Variants in CAPN7 observed in about 807,000 individuals in gnomAD.
CAPN7 encodes calpain-7.
CAPN7 carries 72 observed loss-of-function variants against 115.2 expected under a neutral mutation model. The ratio of observed to expected loss-of-function variants is 0.63; its 90% CI spans 0.52 to 0.76. The LOEUF (loss-of-function observed/expected upper bound fraction) is 0.76, where lower values mean the gene tolerates loss of function less well. Among genes scored for constraint, CAPN7 ranks in the 30% least tolerant of loss-of-function variants. The pLI, the probability that CAPN7 is intolerant of heterozygous loss-of-function variation, is 0.00. For synonymous variants in CAPN7, 344 were observed against 322.3 expected (o/e 1.07, Z -0.72); for missense variants, 905 against 971.5 (o/e 0.93, Z 0.91).
intron 5 of CAPN7, among the ~76,000 whole-genome samples, chr3:15,223,195 G>A (rs1694104355): frequency 6.6e-6 from 1 of 152,048 alleles, no homozygotes; most frequent in African/African-American, 2.4e-5. Context: ...TTGGTTTTGT[G>A]TCTTGGTGTC....
chr3:15,226,339 G>A (rs1694315750), intron 6 of CAPN7, among the ~76,000 whole-genome samples: 1 of 152,140 alleles, frequency 6.6e-6, no homozygotes, highest in South Asian at 2.1e-4. Context: ...CTCCCAAAGT[G>A]CTGGGATTAC....
intron 5 of CAPN7, among the ~76,000 whole-genome samples, chr3:15,221,423 C>T (rs1006794983): frequency 6.7e-6 from 1 of 149,168 alleles, no homozygotes; most frequent in African/African-American, 2.5e-5. Context: ...GAGCTCCTGA[C>T]CTCAGGTGAT....
intron 12 of CAPN7, among the ~76,000 whole-genome samples, chr3:15,238,963 A>G (rs1695179619): frequency 6.7e-6 from 1 of 148,388 alleles, no homozygotes. Context: ...AATATCACTG[A>G]TGCTGGGGGT....
At chr3:15,228,733 G>A (rs1694481622) in intron 7 of CAPN7, among the ~76,000 whole-genome samples, 1 of 152,184 alleles carries the variant, frequency 6.6e-6, no homozygotes, top group African/African-American at 2.4e-5. Context: ...AGGGAGAGGA[G>A]CGGAAAAAAT....
intron 6 of CAPN7, among the ~76,000 whole-genome samples, chr3:15,224,293 A>G (rs1694176601): frequency 6.7e-6 from 1 of 148,478 alleles, no homozygotes; most frequent in South Asian, 2.1e-4. Context: ...TTTTTTTGAG[A>G]TAGGGTCTCA....
At chr3:15,230,381 GTA>G in intron 8 of CAPN7, 59 bp from the exon 9 acceptor site, 1 of 1,076,116 alleles carries the variant, frequency 9.3e-7, no homozygotes, top group Non-Finnish European at 1.4e-6. Flanking sequence ...GAAATGTGCT[GTA>G]TAGTAGTTGA....
chr3:15,213,759 C>T (rs2045081469), intron 2 of CAPN7, among the ~76,000 whole-genome samples: 1 of 152,026 alleles, frequency 6.6e-6, no homozygotes, highest in Non-Finnish European at 1.5e-5. Flanking sequence ...TAAAAACTTA[C>T]ATGTGATTTT....
At chr3:15,209,221 G>A (rs577103534) in intron 1 of CAPN7, among the ~76,000 whole-genome samples, 1 of 152,206 alleles carries the variant, frequency 6.6e-6, no homozygotes, top group African/African-American at 2.4e-5. Flanking sequence ...TGTTGGTCAG[G>A]CTGGTCTCAA....
chr3:15,220,735 T>C (rs1693928134), intron 4 of CAPN7, 46 bp from the exon 5 acceptor site: 6 of 1,571,770 alleles, frequency 3.8e-6, no homozygotes, highest in Non-Finnish European at 8.8e-7. Flanking sequence ...AAAGCTTAAA[T>C]GTGAGTAGAA....
chr3:15,207,746 C>T (rs1178565624), intron 1 of CAPN7, among the ~76,000 whole-genome samples: 1 of 151,910 alleles, frequency 6.6e-6, no homozygotes, highest in Non-Finnish European at 1.5e-5. Context: ...CAATCTTGTC[C>T]CACTGGGAGG....
chr3:15,213,470 T>A (rs763860693), intron 2 of CAPN7, among the ~76,000 whole-genome samples: 1 of 152,238 alleles, frequency 6.6e-6, no homozygotes, highest in African/African-American at 2.4e-5. Flanking sequence ...TTCTGAAGCA[T>A]GCTAGACTAA....
intron 19 of CAPN7, among the ~76,000 whole-genome samples, chr3:15,249,164 G>A (rs866310716): frequency 6.6e-6 from 1 of 152,048 alleles, no homozygotes; most frequent in African/African-American, 2.4e-5. Flanking sequence ...TTTTCCACAA[G>A]AAAGTCATTT....
Position 15,206,446 on chromosome 3 carries a change from C to A in CAPN7, c.-50C>A. 1 of 1,384,306 alleles carries A rather than the reference C, an allele frequency of 7.2e-7. No individual in the cohort carries two copies. The highest frequency in any genetic ancestry group is 2.1e-5 in the Admixed American group (1 of 48,706). 85.8% of individuals were successfully genotyped at this position (1,384,306 alleles called of 1,614,324 possible). A position where few individuals can be genotyped will look rare whatever the true frequency, so the allele number is the denominator to read the frequency against. The stretch of plus-strand genomic sequence containing the variant: ...CGGGCCGCCGCAGTCCGCGAAGAGC[C>A]GTCCTGCGTCAGGGCCTCCTTCCCT... On this transcript the variant is annotated 5_prime_UTR_variant, in exon 1 of 21. Coordinates refer to ENST00000253693, the MANE Select transcript of CAPN7 (RefSeq NM_014296.3).
At chr3:15,213,795 A>G (rs1221941935) in intron 2 of CAPN7, among the ~76,000 whole-genome samples, 1 of 152,166 alleles carries the variant, frequency 6.6e-6, no homozygotes, top group Non-Finnish European at 1.5e-5. Context: ...AAACATTGAT[A>G]TATATGTGAT....
rs1559407869 is a variant in CAPN7 at position 15,240,740 on chromosome 3, A to T, written c.1553-14A>T. 6.3e-7 allele frequency: 1 copy of T among 1,587,280 alleles called. No individual in the cohort carries two copies. Among genetic ancestry groups the T allele is most frequent in the Non-Finnish European group, 8.6e-7 (1 of 1,159,874 alleles). The stretch of plus-strand genomic sequence containing the variant: ...TTAAGATTTTTTTAGATTAACAAAG[A>T]TATTAATTTTCAGGAATATTTTGGA... On this transcript the variant is annotated splice_polypyrimidine_tract_variant and intron_variant, in intron 13 of 20. Coordinates refer to ENST00000253693, the MANE Select transcript of CAPN7 (RefSeq NM_014296.3).
At chr3:15,232,306 A>G (rs1331600178) in intron 9 of CAPN7, 3 of 441,428 alleles carry the variant, frequency 6.8e-6, no homozygotes, top group African/African-American at 6.1e-5. Flanking sequence ...GAAGGTTATC[A>G]TCTGACAGAT....
intron 9 of CAPN7, among the ~76,000 whole-genome samples, chr3:15,230,993 C>A (rs908837676): frequency 1.3e-5 from 2 of 152,126 alleles, no homozygotes; most frequent in Non-Finnish European, 2.9e-5. Context: ...AGACTCTGAA[C>A]TCTGTTATAA....
chr3:15,250,358 G>T (rs1182558075), intron 19 of CAPN7, among the ~76,000 whole-genome samples: 1 of 149,056 alleles, frequency 6.7e-6, no homozygotes, highest in East Asian at 1.9e-4. Context: ...CTGGGTGACA[G>T]TGAGACCCTG....
chr3:15,237,670 A>C (rs560629741), intron 12 of CAPN7, among the ~76,000 whole-genome samples: 2 of 152,290 alleles, frequency 1.3e-5, no homozygotes, highest in Admixed American at 1.3e-4. Context: ...CACAAATGCC[A>C]GTCAAAACAT....
Sources: allele counts gnomAD v4.1 joint callset (sites outside exome capture counted in the v4.1 genomes callset), GRCh38; gene constraint gnomAD v4.1.1; transcripts MANE v1.5; gene names NCBI Gene and HGNC (gene_info 2026-07-23, HGNC 2026-07-21).